EDARADD: variants seen among roughly 807,000 people sequenced by gnomAD.
EDARADD encodes EDAR associated via death domain.
EDARADD carries 20 observed loss-of-function variants against 25.6 expected under a neutral mutation model. The ratio of observed to expected loss-of-function variants is 0.78; its 90% CI spans 0.55 to 1.14. The LOEUF is 1.14. Ranked by LOEUF, EDARADD falls within the 50% of genes most tolerant of loss-of-function variation. The probability of loss-of-function intolerance (pLI) is 0.00; values close to 1 mark genes in which losing one functional copy is unlikely to be tolerated. For synonymous variants in EDARADD, 86 were observed against 94.4 expected (o/e 0.91, Z 0.52); for missense variants, 225 against 270.1 (o/e 0.83, Z 1.17).
At chr1:236,378,912 T>TA (rs989632623) in intron 3 of EDARADD, among the ~76,000 whole-genome samples, 18 of 152,072 alleles carry the variant, frequency 1.2e-4, no homozygotes, top group Non-Finnish European at 2.1e-4. Flanking sequence ...CTCTATTTTT[T>TA]AAAAAAGACT....
rs116049385 is a variant in EDARADD at position 236,369,457 on chromosome 1, C to A, written c.-6+18618C>A. Among the ~76,000 whole-genome samples the A allele has an allele frequency of 8.4e-3, 1,282 of 152,314 alleles. 18 individuals carry two copies. The highest frequency in any genetic ancestry group is 0.029 in the African/African-American group (1,212 of 41,582). ...TTTGGATCCTCATCTGCCATTTTGG[C>A]TTCTGATTAACCCCTGTTCCAGGAA... is the stretch of plus-strand genomic sequence containing the variant. On this transcript the variant is annotated intron_variant, in intron 3 of 7. Transcript: ENST00000439430.
intron 3 of EDARADD, among the ~76,000 whole-genome samples, chr1:236,421,486 G>GTTTTTT (rs1657782842): frequency 1.7e-5 from 2 of 119,494 alleles, no homozygotes; most frequent in African/African-American, 6.1e-5. Flanking sequence ...GACCTTCCCA[G>GTTTTTT]TTCTTTTTTT....
At chr1:236,408,051 G>T (rs1667768726) in intron 1 of EDARADD, among the ~76,000 whole-genome samples, 1 of 152,170 alleles carries the variant, frequency 6.6e-6, no homozygotes, top group Middle Eastern at 3.2e-3. Flanking sequence ...CCTGCCGAAG[G>T]TAGTGTCAAA....
intron 1 of EDARADD, among the ~76,000 whole-genome samples, chr1:236,401,143 A>G (rs1349403816): frequency 1.3e-5 from 2 of 152,010 alleles, no homozygotes; most frequent in African/African-American, 4.8e-5. Context: ...CTGAGATCAC[A>G]CTGCTGCACT....
Position 236,483,165 on chromosome 1 carries a change from A to G in EDARADD, c.*516A>G. 1.3e-6 allele frequency: 2 copies of G among 1,548,754 alleles called. No homozygotes were observed. Among genetic ancestry groups the G allele is most frequent in the South Asian group, 1.1e-5 (1 of 89,742 alleles). ...GAGACCCAGTGGCTAGAAATTCACC[A>G]TGTCTATTCTCAAGATCCATGCCAG... On this transcript the variant is annotated 3_prime_UTR_variant, in exon 6 of 6. Coordinates refer to ENST00000334232, the MANE Select transcript of EDARADD (RefSeq NM_145861.4).
chr1:236,352,014 A>G (rs1666920322), intron 3 of EDARADD, among the ~76,000 whole-genome samples: 1 of 152,136 alleles, frequency 6.6e-6, no homozygotes, highest in Non-Finnish European at 1.5e-5. Context: ...TGAGTGTATA[A>G]TGAGGTCCCA....
At chr1:236,409,873 G>A (rs1657405048) in intron 2 of EDARADD, among the ~76,000 whole-genome samples, 1 of 151,798 alleles carries the variant, frequency 6.6e-6, no homozygotes, top group African/African-American at 2.4e-5. Context: ...CTACTTGCCT[G>A]TTTTTAATAC....
At chr1:236,463,777 G>A (rs979254310) in intron 4 of EDARADD, among the ~76,000 whole-genome samples, 6 of 152,148 alleles carry the variant, frequency 3.9e-5, no homozygotes, top group Non-Finnish European at 8.8e-5. Context: ...CTGGGCCAAC[G>A]GATATCTCAC....
At chr1:236,463,158 C>A (rs530348040) in intron 4 of EDARADD, among the ~76,000 whole-genome samples, 11 of 152,318 alleles carry the variant, frequency 7.2e-5, no homozygotes, top group Admixed American at 3.9e-4. Flanking sequence ...TCTCTGCTAT[C>A]CTCGGAATAG....
At position 236,395,797 on chromosome 1, in the gene EDARADD, AC is replaced by A; in HGVS notation, c.61+1295del. On this transcript the variant is annotated intron_variant, in intron 1 of 5. Transcript: ENST00000334232. The surrounding 1 kb of genome is among the most constrained non-coding windows in gnomAD (Gnocchi z 6.9). ...GAGGGAGGCCCGGGAACCACCCCCG[AC>A]CCAGGCGCCAGACCCGGAGTCGCAC... The A allele has an allele frequency of 1.2e-6, 1 of 800,518 alleles. No individual in the cohort carries two copies. The highest frequency in any genetic ancestry group is 1.8e-6 in the Non-Finnish European group (1 of 555,940). The allele number at this position is 800,518 out of a possible 1,614,324, so 49.6% of individuals were successfully genotyped here.
intron 1 of EDARADD, among the ~76,000 whole-genome samples, chr1:236,400,554 T>C (rs1667595900): frequency 6.6e-6 from 1 of 151,968 alleles, no homozygotes; most frequent in African/African-American, 2.4e-5. Context: ...GTCTCAGGAC[T>C]CCAGAAAAAC....
intron 4 of EDARADD, among the ~76,000 whole-genome samples, chr1:236,453,278 CTTT>C (rs71672500): frequency 3.0e-5 from 4 of 133,856 alleles, no homozygotes; most frequent in East Asian, 2.1e-4. Context: ...TTCTTTTTTT[CTTT>C]TTTTTTTTTT....
intron 5 of EDARADD, among the ~76,000 whole-genome samples, chr1:236,479,969 C>T (rs1659623606): frequency 6.6e-6 from 1 of 151,384 alleles, no homozygotes; most frequent in African/African-American, 2.4e-5. Context: ...TTGCTTGAGC[C>T]CAGGAGTTCC....
At chr1:236,396,710 A>C (rs1400784410) in intron 1 of EDARADD, among the ~76,000 whole-genome samples, 1 of 150,680 alleles carries the variant, frequency 6.6e-6, no homozygotes, top group Non-Finnish European at 1.5e-5. Flanking sequence ...TTTTTTTTTA[A>C]GTGGGGATTG....
intron 5 of EDARADD, among the ~76,000 whole-genome samples, chr1:236,471,270 G>A (rs748631920): frequency 2.0e-5 from 3 of 152,018 alleles, no homozygotes; most frequent in African/African-American, 4.8e-5. Flanking sequence ...GAGATCAAAC[G>A]CCCACCAAAA....
At chr1:236,466,946 A>G (rs990139180) in intron 4 of EDARADD, among the ~76,000 whole-genome samples, 1 of 152,114 alleles carries the variant, frequency 6.6e-6, no homozygotes, top group African/African-American at 2.4e-5. Context: ...GGGTGGCTGT[A>G]GTCCCAGCTA....
intron 1 of EDARADD, among the ~76,000 whole-genome samples, chr1:236,405,076 A>ATG (rs756263711): frequency 2.4e-4 from 37 of 152,174 alleles, no homozygotes; most frequent in Non-Finnish European, 5.1e-4. Context: ...CCTGGGCGAC[A>ATG]GAGTGAGACT....
At chr1:236,478,510 A>G (rs1659573424) in intron 5 of EDARADD, among the ~76,000 whole-genome samples, 1 of 151,580 alleles carries the variant, frequency 6.6e-6, no homozygotes, top group Non-Finnish European at 1.5e-5. Context: ...ATGATGGAAT[A>G]CTATTTAGCC....
At chr1:236,457,969 A>G (rs574504703) in intron 4 of EDARADD, among the ~76,000 whole-genome samples, 60 of 152,208 alleles carry the variant, frequency 3.9e-4, no homozygotes, top group Non-Finnish European at 7.6e-4. Flanking sequence ...GTTTGACTCA[A>G]TGGCTTCTCT....
Sources: gnomAD v4.1 joint callset for allele counts (sites outside exome capture counted in the v4.1 genomes callset) on GRCh38, gnomAD v4.1.1 for gene constraint, Gnocchi (gnomAD v3.1) non-coding constraint, MANE v1.5 for transcripts, NCBI Gene and HGNC (gene_info 2026-07-23, HGNC 2026-07-21) for gene names.